MYO16: variants seen among roughly 807,000 people sequenced by gnomAD.
MYO16 encodes unconventional myosin-XVI.
In MYO16, 94 loss-of-function variants were observed where a neutral mutation model predicts 205.3. The ratio of observed to expected loss-of-function variants is 0.46; its 90% CI spans 0.39 to 0.54. The LOEUF is 0.54. Ranked by LOEUF, MYO16 falls within the 20% of genes least tolerant of loss-of-function variation. The probability of loss-of-function intolerance (pLI) is 0.00; values close to 1 mark genes in which losing one functional copy is unlikely to be tolerated. For synonymous variants in MYO16, 988 were observed against 954.0 expected (o/e 1.04, Z -0.66); for missense variants, 2,315 against 2,387.5 (o/e 0.97, Z 0.63).
chr13:108,840,400 G>A (rs1877182231), intron 9 of MYO16, among the ~76,000 whole-genome samples: 1 of 152,152 alleles, frequency 6.6e-6, no homozygotes, highest in Non-Finnish European at 1.5e-5. Flanking sequence ...GCAAAGTGGT[G>A]AGACTGTGGT....
In MYO16 at chr13:108,658,975, G is replaced by A. The variant is rs534476374; in HGVS notation, c.29-6911G>A. ...GATTTGCTTAAAAATCTTGAACACT[G>A]AGAGTACCATGGCCACAGGAAGATT... On this transcript the variant is annotated intron_variant, in intron 1 of 34. Transcript: ENST00000457511. 7.2e-5 allele frequency among the ~76,000 whole-genome samples: 11 copies of A among 151,956 alleles called. No individual in the cohort carries two copies. The South Asian group carries it at 8.3e-4, about 11-fold the overall frequency.
chr13:109,088,414 T>G (rs374573993), intron 27 of MYO16, among the ~76,000 whole-genome samples: 2 of 152,208 alleles, frequency 1.3e-5, no homozygotes, highest in South Asian at 4.1e-4. Flanking sequence ...ACAACTAAAA[T>G]GAAACGGTGG....
At chr13:108,916,332 T>A (rs1400080338) in intron 16 of MYO16, among the ~76,000 whole-genome samples, 3 of 152,210 alleles carry the variant, frequency 2.0e-5, no homozygotes, top group Admixed American at 6.5e-5. Flanking sequence ...TATTGTATAG[T>A]GAGATGTCAC....
At chr13:109,046,587 A>C (rs1249119250) in intron 23 of MYO16, among the ~76,000 whole-genome samples, 1 of 152,220 alleles carries the variant, frequency 6.6e-6, no homozygotes, top group African/African-American at 2.4e-5. Flanking sequence ...AAGTGTGTTT[A>C]CTTGGTTTAG....
At chr13:108,593,511 A>G (rs1345785563), upstream of MYO16, among the ~76,000 whole-genome samples, 2 of 152,202 alleles carry the variant, frequency 1.3e-5, no homozygotes, top group African/African-American at 4.8e-5. Context: ...GCTTCAGAGT[A>G]TGAAGCCCCA....
intron 1 of MYO16, among the ~76,000 whole-genome samples, chr13:108,655,680 C>T (rs568430543): frequency 5.9e-5 from 9 of 152,222 alleles, no homozygotes; most frequent in East Asian, 3.9e-4. Flanking sequence ...AGCCAGGAGC[C>T]GGGGCTATAC....
At chr13:108,904,064 T>C (rs1423300952) in intron 15 of MYO16, among the ~76,000 whole-genome samples, 3 of 152,202 alleles carry the variant, frequency 2.0e-5, no homozygotes, top group Non-Finnish European at 4.4e-5. Context: ...TAGTTACACT[T>C]TTATAATTTA....
rs562924706 is a variant in MYO16 at position 109,190,155 on chromosome 13, T to C, written c.5415+10522T>C. ...TCTACATTTTTAAGGAAAAAAAAATTATTTTACTGCTATCTGCCATAAAGA... is the reference window on the plus strand; with the variant it reads ...TCTACATTTTTAAGGAAAAAAAAATCATTTTACTGCTATCTGCCATAAAGA... On this transcript the variant is annotated intron_variant, in intron 34 of 34. Transcript: ENST00000457511. 2.0e-5 allele frequency among the ~76,000 whole-genome samples: 3 copies of C among 152,326 alleles called. No individual in the cohort carries two copies. The South Asian group carries it at 6.2e-4, about 32-fold the overall frequency.
At chr13:109,062,053 C>T (rs1887609975) in intron 27 of MYO16, among the ~76,000 whole-genome samples, 1 of 151,964 alleles carries the variant, frequency 6.6e-6, no homozygotes, top group African/African-American at 2.4e-5. Flanking sequence ...CCAAATTGCT[C>T]TATTTCCCCA....
At chr13:108,592,512 G>A (rs1413497263), upstream of MYO16, among the ~76,000 whole-genome samples, 1 of 127,988 alleles carries the variant, frequency 7.8e-6, no homozygotes, top group African/African-American at 3.0e-5. Context: ...GGGGTGTGGG[G>A]GTTGTATAGG....
intron 27 of MYO16, among the ~76,000 whole-genome samples, chr13:109,081,085 C>T (rs1888267586): frequency 6.6e-6 from 1 of 152,190 alleles, no homozygotes; most frequent in African/African-American, 2.4e-5. Flanking sequence ...TAGATAAACA[C>T]ACATACATAG....
intron 1 of MYO16, among the ~76,000 whole-genome samples, chr13:108,648,723 A>G (rs1464127295): frequency 6.6e-6 from 1 of 152,146 alleles, no homozygotes; most frequent in African/African-American, 2.4e-5. Flanking sequence ...TTTTTATATT[A>G]CACGAGTCAC....
Position 109,127,649 on chromosome 13 carries a change from C to T in MYO16, c.4051+99C>T. On this transcript the variant is annotated intron_variant, in intron 31 of 34. Transcript: ENST00000457511. This position sits in a 1 kb window ranked among gnomAD's most constrained non-coding sequence, Gnocchi z 4.2. ...GGCAGTACTGTCGCCCTAATGTATT[C>T]TTAATAGAAATAAATCCAATTGTTG... The T allele has an allele frequency of 8.2e-7, 1 of 1,220,844 alleles. No homozygotes were observed. Among genetic ancestry groups the T allele is most frequent in the South Asian group, 1.4e-5 (1 of 70,708 alleles). 75.6% of individuals were successfully genotyped at this position (1,220,844 alleles called of 1,614,324 possible).
chr13:108,827,989 G>T (rs1555303091), intron 9 of MYO16, among the ~76,000 whole-genome samples: 2 of 151,824 alleles, frequency 1.3e-5, no homozygotes, highest in Non-Finnish European at 2.9e-5. Flanking sequence ...TGATGAAAGG[G>T]TTTTTTTTAC....
intron 27 of MYO16, among the ~76,000 whole-genome samples, chr13:109,092,816 G>A (rs1463607783): frequency 6.6e-6 from 1 of 152,188 alleles, no homozygotes; most frequent in Non-Finnish European, 1.5e-5. Flanking sequence ...GGATGTCAAA[G>A]TTCTGCTTTA....
intron 2 of MYO16, among the ~76,000 whole-genome samples, chr13:108,703,724 T>C (rs1883395788): frequency 6.6e-6 from 1 of 152,116 alleles, no homozygotes; most frequent in South Asian, 2.1e-4. Context: ...CATAATGGAA[T>C]GAAAATAAAA....
intron 21 of MYO16, among the ~76,000 whole-genome samples, chr13:109,002,993 C>A (rs1370425768): frequency 6.6e-6 from 1 of 152,156 alleles, no homozygotes; most frequent in Non-Finnish European, 1.5e-5. Context: ...TTTCATGCCA[C>A]AGTACGTCTA....
At chr13:108,536,341 A>C in the MYO16 span, among the ~76,000 whole-genome samples, 2 of 152,108 alleles carry the variant, frequency 1.3e-5, no homozygotes, top group Non-Finnish European at 1.5e-5. Context: ...CAGTGGAATA[A>C]GTTTATTAGA....
intron 34 of MYO16, among the ~76,000 whole-genome samples, chr13:109,181,748 C>G (rs1017902815): frequency 1.3e-5 from 2 of 149,880 alleles, no homozygotes; most frequent in African/African-American, 4.9e-5. Flanking sequence ...TGAGAATGAA[C>G]TTATCATAAC....
Sources: allele counts gnomAD v4.1 joint callset (sites outside exome capture counted in the v4.1 genomes callset), GRCh38; gene constraint gnomAD v4.1.1; non-coding constraint Gnocchi (gnomAD v3.1); transcripts MANE v1.5; gene names NCBI Gene and HGNC (gene_info 2026-07-23, HGNC 2026-07-21).